TNIK: variants seen among roughly 807,000 people sequenced by gnomAD.
TNIK encodes the protein TRAF2 and NCK-interacting protein kinase.
Under a neutral mutation model 191.3 loss-of-function variants are expected in TNIK, and 49 were observed. The observed-to-expected ratio is 0.26, with a 90% confidence interval of 0.20 to 0.32. The LOEUF is 0.32. TNIK is among the 10% of genes least tolerant of loss of function. The pLI is 1.00. For synonymous variants in TNIK, 594 were observed against 600.9 expected (o/e 0.99, Z 0.17); for missense variants, 1,155 against 1,702.3 (o/e 0.68, Z 5.66).
At chr3:171,263,556 A>G (rs1747950277) in intron 2 of TNIK, among the ~76,000 whole-genome samples, 1 of 152,204 alleles carries the variant, frequency 6.6e-6, no homozygotes, top group African/African-American at 2.4e-5. Flanking sequence ...TTTTTATGGA[A>G]CACCTACAAT....
chr3:171,082,494 T>C (rs1389193505), intron 26 of TNIK, 100 bp from the exon 27 acceptor site: 2 of 1,379,248 alleles, frequency 1.5e-6, no homozygotes, highest in Non-Finnish European at 2.0e-6. Flanking sequence ...CTTGTAAATA[T>C]ACACTAATGG....
At chr3:171,086,843 T>G (rs1431643425) in intron 24 of TNIK, among the ~76,000 whole-genome samples, 1 of 152,252 alleles carries the variant, frequency 6.6e-6, no homozygotes, top group Non-Finnish European at 1.5e-5. Context: ...TTCTTTCTTC[T>G]CACACAATTT....
chr3:171,161,406 TTATA>T, intron 10 of TNIK, 70 bp from the exon 11 acceptor site: 2 of 1,387,134 alleles, frequency 1.4e-6, no homozygotes, highest in South Asian at 2.6e-5. Context: ...ACCCCGTCTC[TTATA>T]TATAAATAAA....
chr3:171,360,601 G>T (rs1046296360), intron 2 of TNIK, among the ~76,000 whole-genome samples: 80 of 152,206 alleles, frequency 5.3e-4, no homozygotes, highest in African/African-American at 1.7e-3. Context: ...CTCAAGGCCA[G>T]AAGAGCCATC....
In TNIK at chr3:171,101,180, A is replaced by C. The variant is rs796332798; in HGVS notation, c.2591+269T>G. On this transcript the variant is annotated intron_variant, in intron 22 of 32. Coordinates refer to ENST00000436636, the MANE Select transcript of TNIK (RefSeq NM_015028.4). ...ATTGTTTGCCCTTAAGATGAAAAGA[A>C]CAAGAAAGAGTCGCCGAAAGGATAG... Among the ~76,000 whole-genome samples the C allele has an allele frequency of 6.6e-4, 101 of 152,252 alleles. 1 individual carries two copies. The highest frequency in any genetic ancestry group is 2.3e-3 in the African/African-American group (94 of 41,550).
chr3:171,125,898 C>G lies in TNIK; in HGVS notation c.2013+14G>C. 6 of 1,613,316 alleles carry G rather than the reference C, an allele frequency of 3.7e-6. No individual in the cohort carries two copies. Among genetic ancestry groups the G allele is most frequent in the Non-Finnish European group, 5.1e-6 (6 of 1,179,702 alleles). ...GATGCTGGTGATTAAAAAAAACACC[C>G]CAGTAAATATTACCTTTGGTGGAAT... is the stretch of plus-strand genomic sequence containing the variant. On this transcript the variant is annotated intron_variant, in intron 17 of 32. Transcript: ENST00000436636.
Position 171,385,663 on chromosome 3 carries a change from A to G in TNIK, c.58-15978T>C, listed in dbSNP as rs543839174. Among the ~76,000 whole-genome samples, 13 of 152,212 alleles carry G rather than the reference A, an allele frequency of 8.5e-5. 1 individual carries two copies. Among genetic ancestry groups the G allele is most frequent in the Admixed American group, 8.5e-4 (13 of 15,280 alleles). On this transcript the variant is annotated intron_variant, in intron 1 of 32. Coordinates refer to ENST00000436636, the MANE Select transcript of TNIK (RefSeq NM_015028.4). ...GCAGGATTTGGGTACACAGACAGAG[A>G]TATCAGTAGAGGGGATAAACTTGCT...
At position 171,171,391 on chromosome 3, in the gene TNIK, C is replaced by A. The variant is rs79000526; in HGVS notation, c.773+3861G>T. Among the ~76,000 whole-genome samples, 371 of 152,126 alleles carry A rather than the reference C, an allele frequency of 2.4e-3. 5 individuals are homozygous for A. The East Asian group carries it at 0.037, about 15-fold the overall frequency. Reference sequence around the variant, plus strand: ...TAAAATAACGGGGGTGATTTTTAGCCTTGGAGCAAAAGCAGGAGGCTGGGT... The same window carrying A: ...TAAAATAACGGGGGTGATTTTTAGCATTGGAGCAAAAGCAGGAGGCTGGGT... On this transcript the variant is annotated intron_variant, in intron 9 of 32. Transcript: ENST00000436636.
At chr3:171,453,995 A>G (rs1193286374) in intron 1 of TNIK, among the ~76,000 whole-genome samples, 2 of 152,194 alleles carry the variant, frequency 1.3e-5, no homozygotes, top group African/African-American at 4.8e-5. Flanking sequence ...CCTTATATTT[A>G]TATGTGCAGA....
chr3:171,371,882 C>G (rs1247017792), intron 1 of TNIK, among the ~76,000 whole-genome samples: 1 of 152,188 alleles, frequency 6.6e-6, no homozygotes, highest in East Asian at 1.9e-4. Flanking sequence ...GAGAGAAGTC[C>G]TACATTTGCT....
chr3:171,089,299 T>C (rs1443007275), intron 23 of TNIK, among the ~76,000 whole-genome samples: 1 of 152,254 alleles, frequency 6.6e-6, no homozygotes, highest in Non-Finnish European at 1.5e-5. Flanking sequence ...CTTTTCTAAA[T>C]GACATTTAGG....
At chr3:171,382,103 G>C (rs1718106375) in intron 1 of TNIK, among the ~76,000 whole-genome samples, 1 of 151,248 alleles carries the variant, frequency 6.6e-6, no homozygotes, top group South Asian at 2.1e-4. Flanking sequence ...GAAGTTTACT[G>C]TTCAGATATT....
At chr3:171,327,446 T>C (rs1295551230) in intron 2 of TNIK, among the ~76,000 whole-genome samples, 1 of 152,176 alleles carries the variant, frequency 6.6e-6, no homozygotes, top group Non-Finnish European at 1.5e-5. Context: ...CAATAGCCTA[T>C]GGGCTGGAGG....
intron 2 of TNIK, among the ~76,000 whole-genome samples, chr3:171,346,094 C>T (rs555862164): frequency 2.0e-5 from 3 of 152,094 alleles, no homozygotes; most frequent in African/African-American, 4.8e-5. Context: ...GAGTAGAGAC[C>T]TGGAGAAAGT....
intron 1 of TNIK, among the ~76,000 whole-genome samples, chr3:171,455,551 T>C (rs1387450983): frequency 1.3e-5 from 2 of 152,190 alleles, no homozygotes; most frequent in Non-Finnish European, 1.5e-5. Context: ...AAGATAATTT[T>C]CTATTAGATA....
chr3:171,188,923 A>G (rs778721720), intron 6 of TNIK, 91 bp from the exon 7 acceptor site: 9 of 1,458,266 alleles, frequency 6.2e-6, no homozygotes, highest in African/African-American at 1.4e-5. Flanking sequence ...GTGGTAAAAC[A>G]TAAGTAACAT....
intron 2 of TNIK, among the ~76,000 whole-genome samples, chr3:171,232,596 A>ACC (rs1743792208): frequency 6.6e-6 from 1 of 151,896 alleles, no homozygotes; most frequent in Non-Finnish European, 1.5e-5. Context: ...TTCTGATAGG[A>ACC]CCCCAAGCCT....
At chr3:171,241,604 A>G (rs1745000054) in intron 2 of TNIK, among the ~76,000 whole-genome samples, 1 of 152,216 alleles carries the variant, frequency 6.6e-6, no homozygotes, top group Non-Finnish European at 1.5e-5. Flanking sequence ...ATTTCTGTAA[A>G]TATATATGCT....
chr3:171,427,102 T>C (rs1466931190), intron 1 of TNIK, among the ~76,000 whole-genome samples: 2 of 152,182 alleles, frequency 1.3e-5, no homozygotes, highest in African/African-American at 4.8e-5. Flanking sequence ...AGTTGATGTA[T>C]TATTCTAGCT....
Sources: allele counts gnomAD v4.1 joint callset (sites outside exome capture counted in the v4.1 genomes callset), GRCh38; gene constraint gnomAD v4.1.1; transcripts MANE v1.5; gene names NCBI Gene and HGNC (gene_info 2026-07-23, HGNC 2026-07-21).